Variants in NCEH1 observed in about 807,000 individuals in gnomAD.
NCEH1 encodes the protein neutral cholesterol ester hydrolase 1.
In NCEH1, 9 loss-of-function variants were observed where a neutral mutation model predicts 25.4. The observed-to-expected ratio is 0.35, with a 90% CI of 0.21 to 0.62. NCEH1 has a LOEUF of 0.62. Ranked by LOEUF, NCEH1 falls within the 20% of genes least tolerant of loss-of-function variation. The pLI, the probability that NCEH1 is intolerant of heterozygous loss-of-function variation, is 0.72. For missense variants in NCEH1, 412 were observed against 501.1 expected, an observed-to-expected ratio of 0.82 and a Z score of 1.70; for synonymous variants, 200 against 199.8, an observed-to-expected ratio of 1.00 and a Z score of -0.01.
chr3:172,668,580 C>T (rs528950269), intron 1 of NCEH1, among the ~76,000 whole-genome samples: 3 of 151,830 alleles, frequency 2.0e-5, no homozygotes, highest in South Asian at 2.1e-4. Flanking sequence ...GGAATATTAC[C>T]GTGATGACTA....
rs1356026395 is a variant in NCEH1, at chr3:172,706,674, ATT to A, written c.138+4171_138+4172del. Reference sequence around the variant, plus strand: ...CCACTGCACCCGGCTAATTTTTTGTATTTTTTAGTAGAGACGGGGTTTCACCA... The same window carrying A: ...CCACTGCACCCGGCTAATTTTTTGTATTTTAGTAGAGACGGGGTTTCACCA... On this transcript the variant is annotated intron_variant, in intron 1 of 4. Transcript: ENST00000475381. Among the ~76,000 whole-genome samples the A allele has an allele frequency of 9.3e-5, 14 of 151,334 alleles. No individual in the cohort carries two copies. In the East Asian group the frequency reaches 2.5e-3, roughly 27 times the overall value.
chr3:172,697,258 C>T (rs73880249), intron 1 of NCEH1, among the ~76,000 whole-genome samples: 8,490 of 152,066 alleles, frequency 0.056, 788 homozygotes, highest in African/African-American at 0.19. Context: ...AATACTGAGG[C>T]CATTAGCCTG....
At chr3:172,661,577 C>T (rs575840851) in intron 1 of NCEH1, among the ~76,000 whole-genome samples, 2 of 152,278 alleles carry the variant, frequency 1.3e-5, no homozygotes, top group African/African-American at 4.8e-5. Context: ...TGGCCATTTT[C>T]ACAATATTGA....
chr3:172,651,645 G>A lies in NCEH1; in HGVS notation c.139-3531C>T, dbSNP rs183404923. Among the ~76,000 whole-genome samples the A allele has an allele frequency of 3.6e-3, 521 of 145,984 alleles. 3 individuals are homozygous for A. Among genetic ancestry groups the A allele is most frequent in the Middle Eastern group, 7.2e-3 (2 of 278 alleles). On this transcript the variant is annotated intron_variant, in intron 1 of 4. Transcript: ENST00000475381. Reference sequence around the variant, plus strand: ...GTGATCTCGGCTCACTGAAACCTCCGCCTCCCAGATTCAAGCTATTCTCGT... The same window carrying A: ...GTGATCTCGGCTCACTGAAACCTCCACCTCCCAGATTCAAGCTATTCTCGT...
intron 1 of NCEH1, among the ~76,000 whole-genome samples, chr3:172,685,947 T>A (rs1014371120): frequency 2.0e-5 from 3 of 152,162 alleles, no homozygotes; most frequent in Non-Finnish European, 4.4e-5. Context: ...GAACAGCAGA[T>A]GGAGGACACA....
chr3:172,685,317 G>A (rs549932512), intron 1 of NCEH1, among the ~76,000 whole-genome samples: 116 of 152,246 alleles, frequency 7.6e-4, no homozygotes, highest in African/African-American at 2.6e-3. Flanking sequence ...CATCTTCACT[G>A]GGCTCATAAT....
intron 1 of NCEH1, among the ~76,000 whole-genome samples, chr3:172,708,173 A>C (rs1179067095): frequency 2.0e-5 from 3 of 152,242 alleles, no homozygotes; most frequent in Non-Finnish European, 2.9e-5. Flanking sequence ...CTAAAGCATA[A>C]AGTATTTGCC....
intron 1 of NCEH1, among the ~76,000 whole-genome samples, chr3:172,675,862 C>A (rs1711966734): frequency 1.3e-5 from 2 of 152,146 alleles, no homozygotes; most frequent in African/African-American, 2.4e-5. Flanking sequence ...GTCTACAGGA[C>A]CCCCACTGAT....
At chr3:172,701,616 G>GTTTTTTTTTTTT (rs60219751) in intron 1 of NCEH1, among the ~76,000 whole-genome samples, 28 of 110,728 alleles carry the variant, frequency 2.5e-4, no homozygotes, top group African/African-American at 3.0e-4. Flanking sequence ...TGCCCAGCTA[G>GTTTTTTTTTTTT]TTTTTTTTTT....
chr3:172,640,043 T>C (rs1716777998), intron 3 of NCEH1, among the ~76,000 whole-genome samples: 1 of 152,146 alleles, frequency 6.6e-6, no homozygotes, highest in African/African-American at 2.4e-5. Flanking sequence ...GCTAAGAGGG[T>C]TGAAATGCGC....
intron 1 of NCEH1, among the ~76,000 whole-genome samples, chr3:172,689,627 C>CGCT (rs1712913712): frequency 6.9e-6 from 1 of 145,348 alleles, no homozygotes; most frequent in Non-Finnish European, 1.5e-5. Flanking sequence ...GGTAGACCAC[C>CGCT]TGAGCGCCAG....
intron 1 of NCEH1, among the ~76,000 whole-genome samples, chr3:172,661,132 T>C (rs1460151523): frequency 1.3e-5 from 2 of 152,208 alleles, no homozygotes; most frequent in African/African-American, 4.8e-5. Context: ...CTTTAATACA[T>C]CTTGAATTAA....
At chr3:172,654,877 A>G (rs887511944) in intron 1 of NCEH1, among the ~76,000 whole-genome samples, 3 of 152,230 alleles carry the variant, frequency 2.0e-5, no homozygotes, top group Non-Finnish European at 4.4e-5. Flanking sequence ...TGTGTCTATT[A>G]TAAGAAAAAA....
At chr3:172,689,982 C>T (rs1397181370) in intron 1 of NCEH1, among the ~76,000 whole-genome samples, 1 of 150,342 alleles carries the variant, frequency 6.7e-6, no homozygotes, top group East Asian at 2.0e-4. Flanking sequence ...CGGCTCACTG[C>T]AAACTCCGCC....
At chr3:172,691,998 G>T (rs1713089653) in intron 1 of NCEH1, among the ~76,000 whole-genome samples, 1 of 107,988 alleles carries the variant, frequency 9.3e-6, no homozygotes. Context: ...AGAACAGGGT[G>T]TAGTGAGAGA....
chr3:172,701,531 C>T (rs1713682797), intron 1 of NCEH1, among the ~76,000 whole-genome samples: 1 of 146,880 alleles, frequency 6.8e-6, no homozygotes, highest in Admixed American at 6.9e-5. Context: ...CTGACTGCAA[C>T]CTCCACCTCC....
intron 1 of NCEH1, among the ~76,000 whole-genome samples, chr3:172,700,365 C>CA (rs1182364328): frequency 1.8e-4 from 27 of 148,498 alleles, no homozygotes; most frequent in Non-Finnish European, 2.7e-4. Context: ...TGTGGGAGCT[C>CA]AAAAAAAAAA....
chr3:172,680,667 G>GCC (rs34459090), intron 1 of NCEH1: 4 of 141,998 alleles, frequency 2.8e-5, no homozygotes, highest in South Asian at 2.2e-4. Context: ...GGCGTCACAG[G>GCC]CCCCCCCCCC....
At chr3:172,665,050 T>C (rs575242161) in intron 1 of NCEH1, among the ~76,000 whole-genome samples, 117 of 152,332 alleles carry the variant, frequency 7.7e-4, no homozygotes, top group African/African-American at 2.7e-3. Context: ...CTCTGATTTT[T>C]AGAATTTTCA....
Sources: allele counts gnomAD v4.1 joint callset (sites outside exome capture counted in the v4.1 genomes callset), GRCh38; gene constraint gnomAD v4.1.1; transcripts MANE v1.5; gene names NCBI Gene and HGNC (gene_info 2026-07-23, HGNC 2026-07-21).